Variants in UTP15 observed in about 807,000 individuals in gnomAD.
The protein encoded by UTP15 is UTP15 small subunit processome component.
Under a neutral mutation model 59.1 loss-of-function variants are expected in UTP15, and 5 were observed. The ratio of observed to expected loss-of-function variants is 0.08; its 90% CI spans 0.04 to 0.18. The LOEUF is 0.18. UTP15 is among the 10% of genes least tolerant of loss of function. UTP15 has a pLI of 1.00. For missense variants in UTP15, 494 were observed against 616.7 expected, an observed-to-expected ratio of 0.80 and a Z score of 2.11; for synonymous variants, 211 against 212.2, an observed-to-expected ratio of 0.99 and a Z score of 0.05.
At chr5:73,576,388 G>C (rs2112054056) in intron 7 of UTP15, among the ~76,000 whole-genome samples, 1 of 152,096 alleles carries the variant, frequency 6.6e-6, no homozygotes, top group East Asian at 1.9e-4. Context: ...TTACAGACCT[G>C]AGCCACCACA....
intron 7 of UTP15, among the ~76,000 whole-genome samples, chr5:73,573,498 A>G (rs899813224): frequency 5.4e-5 from 8 of 149,156 alleles, no homozygotes; most frequent in African/African-American, 2.0e-4. Context: ...TCTGCCCACC[A>G]CGCCCTCCCA....
chr5:73,567,743 G>A (rs1747822579), intron 2 of UTP15: 1 of 202,348 alleles, frequency 4.9e-6, no homozygotes, highest in Non-Finnish European at 9.8e-6. Flanking sequence ...GCTTGTAATA[G>A]TAGAAATCTT....
chr5:73,574,319 C>CT (rs779026167), intron 7 of UTP15, among the ~76,000 whole-genome samples: 30 of 148,938 alleles, frequency 2.0e-4, no homozygotes, highest in Non-Finnish European at 3.3e-4. Context: ...TACCCTGTCT[C>CT]TAAAAAAAAA....
In UTP15 at chr5:73,567,290, C is replaced by G. The variant is rs1271367845; in HGVS notation, c.-55C>G. ...TAAGGCAGAGTCACTGTAATTATTT[C>G]TAATACCAATTCCAAAATAGTGACT... is the stretch of plus-strand genomic sequence containing the variant. On this transcript the variant is annotated 5_prime_UTR_variant, in exon 2 of 13. Coordinates refer to ENST00000296792, the MANE Select transcript of UTP15 (RefSeq NM_032175.4). 1 of 1,242,150 alleles carries G rather than the reference C, an allele frequency of 8.1e-7. No individual in the cohort carries two copies. The highest frequency in any genetic ancestry group is 2.4e-5 in the East Asian group (1 of 40,832). The allele number at this position is 1,242,150 out of a possible 1,614,324, so 76.9% of individuals were successfully genotyped here. A position where few individuals can be genotyped will look rare whatever the true frequency, so the allele number is the denominator to read the frequency against.
rs996375992 is a variant in UTP15 at position 73,581,092 on chromosome 5, C to T, written c.*998C>T. 13 of 148,822 alleles carry T rather than the reference C, an allele frequency of 8.7e-5. No homozygotes were observed. The highest frequency in any genetic ancestry group is 1.6e-4 in the Non-Finnish European group (11 of 67,492). 9.2% of individuals were successfully genotyped at this position (148,822 alleles called of 1,614,324 possible). The stretch of plus-strand genomic sequence containing the variant: ...TTTTAAAGACAGGGTCTCGCTTTAT[C>T]GCCCAGGCTGGAGTACAGTGATGCA... On this transcript the variant is annotated 3_prime_UTR_variant, in exon 13 of 13. Transcript: ENST00000296792.
intron 8 of UTP15, among the ~76,000 whole-genome samples, 169 bp from the exon 9 acceptor site, chr5:73,577,687 C>T (rs924863784): frequency 3.3e-5 from 5 of 152,092 alleles, no homozygotes; most frequent in African/African-American, 4.8e-5. Context: ...AAAATGATTT[C>T]GCTTTAACGT....
intron 4 of UTP15, 121 bp downstream of exon 4, chr5:73,568,725 A>G (rs1747853199): frequency 5.5e-6 from 5 of 908,300 alleles, no homozygotes; most frequent in Middle Eastern, 2.6e-4. Context: ...TATAGGTACT[A>G]TATTTCCTGA....
chr5:73,578,943 G>A (rs1304295305), intron 10 of UTP15, 74 bp from the exon 11 acceptor site: 6 of 1,577,882 alleles, frequency 3.8e-6, no homozygotes, highest in Admixed American at 1.7e-5. Flanking sequence ...ATTCAAACTT[G>A]ATAATTTAGT....
At chr5:73,574,167 T>TA (rs1278559359) in intron 7 of UTP15, among the ~76,000 whole-genome samples, 1 of 151,324 alleles carries the variant, frequency 6.6e-6, no homozygotes, top group East Asian at 1.9e-4. Context: ...TACAAAAAAT[T>TA]AAAAAAATTA....
At chr5:73,568,067 C>G (rs1747833125) in intron 2 of UTP15, among the ~76,000 whole-genome samples, 168 bp from the exon 3 acceptor site, 1 of 152,182 alleles carries the variant, frequency 6.6e-6, no homozygotes, top group Non-Finnish European at 1.5e-5. Context: ...CAAGAATAGT[C>G]TGGGTGATGA....
At position 73,578,843 on chromosome 5, in the gene UTP15, A is replaced by G; in HGVS notation, c.1137A>G (p.Arg379=). 7 of 1,606,350 alleles carry G rather than the reference A, an allele frequency of 4.4e-6. No homozygotes were observed. The South Asian group carries it at 7.7e-5, about 18-fold the overall frequency. ...KHFRISKALD[R]VLDPTCTIKT... ...TTCGGATCTCTAAGGCACTCGATAG[A>G]GTTCTTGATGTGAGTGAGCATTTTT... The change falls in exon 10 of 13, where the codon AGA becomes AGG. Residue 379 remains arginine, a synonymous_variant. Coordinates refer to ENST00000296792, the MANE Select transcript of UTP15 (RefSeq NM_032175.4).
rs1482130205 is a variant in UTP15 at position 73,566,913 on chromosome 5, A to C, written c.-83-349A>C. 5.3e-4 allele frequency among the ~76,000 whole-genome samples: 80 copies of C among 152,212 alleles called. 1 individual carries two copies. Among genetic ancestry groups the C allele is most frequent in the Admixed American group, 5.2e-3 (80 of 15,270 alleles). On this transcript the variant is annotated intron_variant, in intron 1 of 12. Transcript: ENST00000296792. ...TTAAACTTGGTTTCAGGAAACTTGT[A>C]TTTGCAGTTTCACCTTAATATTTCC...
intron 9 of UTP15, chr5:73,578,516 A>C (rs57808572): frequency 0.016 from 7,244 of 444,648 alleles, 481 homozygotes; most frequent in African/African-American, 0.13. Context: ...TGCATGTTGT[A>C]AGTTAAAATT....
At chr5:73,566,430 A>G (rs1308325929) in intron 1 of UTP15, among the ~76,000 whole-genome samples, 1 of 152,244 alleles carries the variant, frequency 6.6e-6, no homozygotes, top group Non-Finnish European at 1.5e-5. Context: ...ATTGGTAGGT[A>G]CTTTAATGAA....
At chr5:73,569,984 C>T (rs901349734) in intron 5 of UTP15, among the ~76,000 whole-genome samples, 2 of 151,860 alleles carry the variant, frequency 1.3e-5, no homozygotes, top group African/African-American at 2.4e-5. Flanking sequence ...AGGTGCCCAC[C>T]ACCACGTCCA....
intron 12 of UTP15, 119 bp downstream of exon 12, chr5:73,579,494 A>T: frequency 1.3e-6 from 1 of 798,132 alleles, no homozygotes; most frequent in Admixed American, 3.0e-5. Flanking sequence ...CTCAATATGG[A>T]TTTTCATGGA....
intron 7 of UTP15, among the ~76,000 whole-genome samples, chr5:73,573,248 GTTT>G (rs775316960): frequency 1.5e-5 from 2 of 135,442 alleles, no homozygotes. Flanking sequence ...ATATTTTGAA[GTTT>G]TTTTTTTTTT....
intron 1 of UTP15, chr5:73,566,179 T>A (rs1210712318): frequency 4.3e-6 from 1 of 232,964 alleles, no homozygotes; most frequent in East Asian, 1.1e-4. Context: ...CTTACGAGGC[T>A]CCCTCAGGTG....
At chr5:73,579,268 T>A in intron 11 of UTP15, 49 bp from the exon 12 acceptor site, 1 of 1,587,510 alleles carries the variant, frequency 6.3e-7, no homozygotes, top group Non-Finnish European at 8.6e-7. Context: ...TTTTAAGGAT[T>A]TTTTTTTTAA....
Sources: allele counts gnomAD v4.1 joint callset (sites outside exome capture counted in the v4.1 genomes callset), GRCh38; gene constraint gnomAD v4.1.1; transcripts MANE v1.5; gene names NCBI Gene and HGNC (gene_info 2026-07-23, HGNC 2026-07-21).